Variants in GRAMD4 observed in about 807,000 individuals in gnomAD.
GRAMD4 encodes the protein GRAM domain-containing protein 4.
GRAMD4 carries 25 observed loss-of-function variants against 83.9 expected under a neutral mutation model. That is an observed-to-expected ratio of 0.30 (90% CI 0.22 to 0.42). The LOEUF (loss-of-function observed/expected upper bound fraction) is 0.42, where lower values mean the gene tolerates loss of function less well. GRAMD4 is among the 10% of genes least tolerant of loss of function. GRAMD4 has a pLI of 1.00. For synonymous variants in GRAMD4, 336 were observed against 320.9 expected (o/e 1.05, Z -0.50); for missense variants, 593 against 788.7 (o/e 0.75, Z 2.97).
In GRAMD4 at chr22:46,672,705, G is replaced by A. The variant is rs759888738; in HGVS notation, c.1085-138G>A. 177 of 660,960 alleles carry A rather than the reference G, an allele frequency of 2.7e-4. 1 individual carries two copies. The highest frequency in any genetic ancestry group is 1.6e-4 in the Admixed American group (6 of 38,028). The allele number at this position is 660,960 out of a possible 1,614,324, so 40.9% of individuals were successfully genotyped here. On this transcript the variant is annotated intron_variant, in intron 13 of 18. Transcript: ENST00000406902. The surrounding 1 kb of genome is among the most constrained non-coding windows in gnomAD (Gnocchi z 4.7). ...GGGGTATCCAGGGTGAGGACTGAGC[G>A]AGCAGCTGGACTCTCACATCCAGGC...
chr22:46,644,935 A>T (rs1257420900), intron 3 of GRAMD4, among the ~76,000 whole-genome samples: 9 of 72,414 alleles, frequency 1.2e-4, no homozygotes, highest in African/African-American at 4.3e-4. Context: ...TTTTTTGTGG[A>T]GACGGGGCTT....
At chr22:46,679,858 C>T (rs1311113627), downstream of GRAMD4, 1 of 912,246 alleles carries the variant, frequency 1.1e-6, no homozygotes, top group Non-Finnish European at 1.3e-6. Flanking sequence ...GGCCACCAAC[C>T]CCAGGCCCTC....
At chr22:46,619,823 C>T (rs1433393564), upstream of GRAMD4, among the ~76,000 whole-genome samples, 1 of 152,126 alleles carries the variant, frequency 6.6e-6, no homozygotes, top group Non-Finnish European at 1.5e-5. Context: ...CAGGTGGGGG[C>T]TGGGGCCCAC....
intron 3 of GRAMD4, among the ~76,000 whole-genome samples, chr22:46,640,786 G>A (rs376602152): frequency 6.6e-5 from 10 of 152,132 alleles, no homozygotes; most frequent in East Asian, 3.9e-4. Flanking sequence ...AGGCTTCCCC[G>A]ACACGCCCTC....
At chr22:46,601,454 G>A (rs940184835) in intron 1 of GRAMD4, among the ~76,000 whole-genome samples, 11 of 151,628 alleles carry the variant, frequency 7.3e-5, no homozygotes, top group East Asian at 5.8e-4. Context: ...GGGTGTTTTG[G>A]GTTTTTTGTT....
intron 3 of GRAMD4, among the ~76,000 whole-genome samples, chr22:46,643,133 A>C (rs377651078): frequency 7.8e-4 from 89 of 114,488 alleles, no homozygotes; most frequent in Middle Eastern, 5.3e-3. Context: ...GCATCCATCC[A>C]TGCATCCTTC....
chr22:46,645,909 C>G (rs967630163), intron 3 of GRAMD4, among the ~76,000 whole-genome samples: 1 of 152,262 alleles, frequency 6.6e-6, no homozygotes, highest in Non-Finnish European at 1.5e-5. Flanking sequence ...TGCGCGCAGG[C>G]TCTGGGAGGT....
chr22:46,632,766 C>T (rs568665266), intron 2 of GRAMD4, among the ~76,000 whole-genome samples: 5 of 152,316 alleles, frequency 3.3e-5, no homozygotes, highest in Admixed American at 6.5e-5. Flanking sequence ...GGGTGGAGAC[C>T]GTGGGGCCCA....
intron 1 of GRAMD4, among the ~76,000 whole-genome samples, chr22:46,597,714 C>T (rs2081275872): frequency 6.6e-6 from 1 of 152,164 alleles, no homozygotes; most frequent in African/African-American, 2.4e-5. Flanking sequence ...TGGTCTCGAT[C>T]TCCTGACCTC....
intron 1 of GRAMD4, among the ~76,000 whole-genome samples, chr22:46,598,612 C>T (rs1259836733): frequency 1.3e-5 from 2 of 151,758 alleles, no homozygotes; most frequent in African/African-American, 2.4e-5. Flanking sequence ...GTGGTAGCTT[C>T]TGGTTAGTTG....
intron 1 of GRAMD4, among the ~76,000 whole-genome samples, chr22:46,613,111 C>T (rs757401431): frequency 1.1e-4 from 17 of 152,224 alleles, no homozygotes; most frequent in South Asian, 1.0e-3. Flanking sequence ...ATGTATGGGG[C>T]GTGAGAGCAG....
rs368016637 is a variant in GRAMD4, at chr22:46,630,530, G to A, written c.162+3569G>A. The stretch of plus-strand genomic sequence containing the variant: ...AGCCGCGCCATGCTCCGTGCCCACC[G>A]GTAGGGTCTGAGGGTTTCCCTGGAG... On this transcript the variant is annotated intron_variant, in intron 2 of 18. Coordinates refer to ENST00000406902, the MANE Select transcript of GRAMD4 (RefSeq NM_015124.5). 3.3e-4 allele frequency among the ~76,000 whole-genome samples: 51 copies of A among 152,316 alleles called. No individual in the cohort carries two copies. In the South Asian group the frequency reaches 0.01, roughly 31 times the overall value.
chr22:46,627,642 C>T lies in GRAMD4; in HGVS notation c.162+681C>T, dbSNP rs117669799. 4.6e-4 allele frequency among the ~76,000 whole-genome samples: 70 copies of T among 152,332 alleles called. No homozygotes were observed. The East Asian group carries it at 0.01, about 23-fold the overall frequency. ...CCCAGCATGGCCTCTAGCTCCTCCC[C>T]GCATGCACACACCAAATTTGGTGTC... On this transcript the variant is annotated intron_variant, in intron 2 of 18. Coordinates refer to ENST00000406902, the MANE Select transcript of GRAMD4 (RefSeq NM_015124.5).
chr22:46,637,989 T>C, intron 3 of GRAMD4, 29 bp downstream of exon 3: 1 of 1,608,186 alleles, frequency 6.2e-7, no homozygotes, highest in Non-Finnish European at 8.5e-7. Flanking sequence ...TTGGAGGGGA[T>C]GGGACAAGGT....
rs371720230 is a variant in GRAMD4, at chr22:46,663,485, C to T, written c.599+313C>T. ...TTGGCTCTTGAGTCCCATCAGTAAACCTTGGTTCCCCTGCCAGGTGCTGCC... is the reference window on the plus strand; with the variant it reads ...TTGGCTCTTGAGTCCCATCAGTAAATCTTGGTTCCCCTGCCAGGTGCTGCC... On this transcript the variant is annotated intron_variant, in intron 6 of 18. Transcript: ENST00000406902. 3.3e-5 allele frequency among the ~76,000 whole-genome samples: 5 copies of T among 152,312 alleles called. No homozygotes were observed. In the East Asian group the frequency reaches 9.7e-4, roughly 29 times the overall value.
upstream of GRAMD4, among the ~76,000 whole-genome samples, chr22:46,576,290 C>T (rs117481616): frequency 3.7e-3 from 567 of 152,342 alleles, 2 homozygotes; most frequent in Middle Eastern, 6.8e-3. Flanking sequence ...TAAAGCGTGT[C>T]CCCTAAACCT....
At chr22:46,677,126 G>A (rs1446749744) in intron 18 of GRAMD4, 21 bp from the exon 19 acceptor site, 1 of 1,611,118 alleles carries the variant, frequency 6.2e-7, no homozygotes, top group African/African-American at 1.3e-5. Context: ...ATGCTCACTG[G>A]TGGCATTTCT....
intron 1 of GRAMD4, among the ~76,000 whole-genome samples, chr22:46,602,762 C>CTTTTTTTTTT (rs534249203): frequency 2.5e-5 from 3 of 121,434 alleles, no homozygotes; most frequent in Non-Finnish European, 4.9e-5. Context: ...CCATTTTTCT[C>CTTTTTTTTTT]TTTTTTTTTT....
At chr22:46,627,223 A>G (rs2081678230) in intron 2 of GRAMD4, among the ~76,000 whole-genome samples, 1 of 152,170 alleles carries the variant, frequency 6.6e-6, no homozygotes, top group Non-Finnish European at 1.5e-5. Flanking sequence ...TGGGTGGCAG[A>G]CTTCTCACGC....
Sources: allele counts gnomAD v4.1 joint callset (sites outside exome capture counted in the v4.1 genomes callset), GRCh38; gene constraint gnomAD v4.1.1; non-coding constraint Gnocchi (gnomAD v3.1); transcripts MANE v1.5; gene names NCBI Gene and HGNC (gene_info 2026-07-23, HGNC 2026-07-21).